DLG2: variants seen among roughly 807,000 people sequenced by gnomAD.
DLG2 encodes the protein disks large homolog 2.
DLG2 carries 45 observed loss-of-function variants against 132.5 expected under a neutral mutation model. The observed-to-expected ratio is 0.34, with a 90% CI of 0.27 to 0.44. DLG2 has a LOEUF of 0.44. DLG2 is among the 20% of genes least tolerant of loss of function. DLG2 has a pLI of 1.00. For synonymous variants in DLG2, 424 were observed against 419.6 expected (o/e 1.01, Z -0.13); for missense variants, 1,045 against 1,196.9 (o/e 0.87, Z 1.87).
intron 3 of DLG2, among the ~76,000 whole-genome samples, chr11:85,445,571 T>A (rs538422562): frequency 6.6e-4 from 101 of 152,168 alleles, no homozygotes; most frequent in Middle Eastern, 3.4e-3. Context: ...TCCCAGCTAC[T>A]CAGGAGGCTG....
At chr11:83,472,670 A>T (rs768833893) in intron 23 of DLG2, 57 bp downstream of exon 23, 21 of 1,497,150 alleles carry the variant, frequency 1.4e-5, no homozygotes, top group Non-Finnish European at 1.9e-5. Context: ...CCCTCCTTCA[A>T]TGATGTCACC....
chr11:84,759,242 T>C (rs1052021323), intron 6 of DLG2, among the ~76,000 whole-genome samples: 24 of 152,130 alleles, frequency 1.6e-4, no homozygotes, highest in Non-Finnish European at 2.5e-4. Flanking sequence ...CCTGGAGATA[T>C]AGATGTGAAT....
At chr11:85,471,174 C>T (rs868578893) in intron 3 of DLG2, among the ~76,000 whole-genome samples, 2 of 152,074 alleles carry the variant, frequency 1.3e-5, no homozygotes, top group Non-Finnish European at 2.9e-5. Context: ...AGACTCTCAC[C>T]ATATTGTTCC....
At chr11:84,859,642 G>A (rs1039374102) in intron 6 of DLG2, among the ~76,000 whole-genome samples, 1 of 151,620 alleles carries the variant, frequency 6.6e-6, no homozygotes, top group South Asian at 2.1e-4. Flanking sequence ...AGAATATGCA[G>A]AAGTAATATA....
chr11:84,115,839 T>A (rs188672291), intron 9 of DLG2, among the ~76,000 whole-genome samples: 1 of 152,308 alleles, frequency 6.6e-6, no homozygotes, highest in Admixed American at 6.5e-5. Flanking sequence ...GCATATATAT[T>A]GTATGAGTAC....
intron 6 of DLG2, among the ~76,000 whole-genome samples, chr11:84,757,104 A>T (rs2066986298): frequency 6.6e-6 from 1 of 152,130 alleles, no homozygotes; most frequent in Non-Finnish European, 1.5e-5. Flanking sequence ...TCTACTCTGG[A>T]ATTCTCTTCC....
intron 3 of DLG2, among the ~76,000 whole-genome samples, chr11:85,574,417 G>A (rs1280079135): frequency 6.8e-6 from 1 of 147,982 alleles, no homozygotes; most frequent in Non-Finnish European, 1.5e-5. Flanking sequence ...ACCTCTAGCT[G>A]CTCAGGCAAA....
intron 8 of DLG2, among the ~76,000 whole-genome samples, chr11:84,175,398 A>C (rs1215489749): frequency 6.6e-6 from 1 of 152,120 alleles, no homozygotes; most frequent in African/African-American, 2.4e-5. Context: ...TAAAGAAATA[A>C]ATGGATTGAC....
intron 18 of DLG2, among the ~76,000 whole-genome samples, chr11:83,710,244 T>C (rs1261490251): frequency 6.6e-6 from 1 of 151,762 alleles, no homozygotes; most frequent in Non-Finnish European, 1.5e-5. Flanking sequence ...CTCACTGCAA[T>C]CTCCGCCTCC....
At chr11:83,880,553 T>G (rs574733079) in intron 15 of DLG2, among the ~76,000 whole-genome samples, 1 of 152,272 alleles carries the variant, frequency 6.6e-6, no homozygotes, top group East Asian at 1.9e-4. Context: ...GGAAGAGTTG[T>G]GCTCTCTTCT....
intron 7 of DLG2, among the ~76,000 whole-genome samples, chr11:84,373,217 C>T (rs140327136): frequency 1.0e-5 from 1 of 97,452 alleles, no homozygotes; most frequent in Non-Finnish European, 2.0e-5. Flanking sequence ...CTTAATTTCT[C>T]TAAACTTTGT....
At chr11:84,213,597 A>G (rs1433260292) in intron 8 of DLG2, among the ~76,000 whole-genome samples, 1 of 152,104 alleles carries the variant, frequency 6.6e-6, no homozygotes, top group African/African-American at 2.4e-5. Context: ...AGGCGGGTGG[A>G]TCACGAGGTC....
At chr11:84,941,057 G>A (rs1400170980) in intron 6 of DLG2, among the ~76,000 whole-genome samples, 1 of 152,008 alleles carries the variant, frequency 6.6e-6, no homozygotes, top group South Asian at 2.1e-4. Flanking sequence ...ATTTATTTCT[G>A]GGTTTTCTAT....
chr11:84,405,579 A>T (rs2098845989), intron 7 of DLG2, among the ~76,000 whole-genome samples: 1 of 152,204 alleles, frequency 6.6e-6, no homozygotes, highest in South Asian at 2.1e-4. Flanking sequence ...GAAATGTTCA[A>T]AGTGCAAGGC....
intron 4 of DLG2, among the ~76,000 whole-genome samples, chr11:85,174,766 G>T (rs1005464672): frequency 2.0e-5 from 3 of 151,948 alleles, no homozygotes; most frequent in African/African-American, 7.2e-5. Flanking sequence ...GACACACTCA[G>T]AAATGATAAG....
intron 19 of DLG2, among the ~76,000 whole-genome samples, chr11:83,552,161 AG>A (rs1244863523): frequency 1.3e-5 from 2 of 152,214 alleles, no homozygotes; most frequent in Non-Finnish European, 2.9e-5. Context: ...ATGATAGGTT[AG>A]GAGTTGATTG....
intron 6 of DLG2, among the ~76,000 whole-genome samples, chr11:84,581,270 G>A (rs897683888): frequency 1.3e-5 from 2 of 152,174 alleles, no homozygotes; most frequent in Non-Finnish European, 2.9e-5. Context: ...ATCTTTGGAA[G>A]TCTAGTGGAG....
intron 6 of DLG2, among the ~76,000 whole-genome samples, chr11:84,562,750 T>C (rs1396794279): frequency 1.4e-5 from 2 of 144,132 alleles, no homozygotes; most frequent in Non-Finnish European, 3.0e-5. Flanking sequence ...TCTTTCTTTC[T>C]TTTTTTTTTT....
chr11:85,491,398 A>G (rs959267676), intron 3 of DLG2, among the ~76,000 whole-genome samples: 1 of 152,284 alleles, frequency 6.6e-6, no homozygotes, highest in South Asian at 2.1e-4. Context: ...TCTTCAACAT[A>G]GTACTGGAAG....
Sources: allele counts gnomAD v4.1 joint callset (sites outside exome capture counted in the v4.1 genomes callset), GRCh38; gene constraint gnomAD v4.1.1; transcripts MANE v1.5; gene names NCBI Gene and HGNC (gene_info 2026-07-23, HGNC 2026-07-21).